Variants in NSMCE2 observed in about 807,000 individuals in gnomAD.
NSMCE2 encodes NSE2 SUMO ligase component of SMC5/6 complex.
NSMCE2 carries 24 observed loss-of-function variants against 23.8 expected under a neutral mutation model. The ratio of observed to expected loss-of-function variants is 1.01; its 90% CI spans 0.73 to 1.42. The LOEUF (loss-of-function observed/expected upper bound fraction) is 1.42. Among genes scored for constraint, NSMCE2 ranks in the 40% most tolerant of loss-of-function variants. The probability of loss-of-function intolerance (pLI) is 0.00; values close to 1 mark genes in which losing one functional copy is unlikely to be tolerated. For missense variants in NSMCE2, 284 were observed against 296.5 expected (o/e 0.96, Z 0.31); for synonymous variants, 92 against 94.1 (o/e 0.98, Z 0.13).
At chr8:125,278,242 G>A (rs899417847) in intron 5 of NSMCE2, among the ~76,000 whole-genome samples, 1 of 152,156 alleles carries the variant, frequency 6.6e-6, no homozygotes, top group Non-Finnish European at 1.5e-5. Flanking sequence ...TCCCAGCTTA[G>A]GTGGAATGAG....
chr8:125,196,729 G>A (rs1285113731), intron 5 of NSMCE2, among the ~76,000 whole-genome samples: 4 of 152,154 alleles, frequency 2.6e-5, no homozygotes, highest in African/African-American at 9.7e-5. Context: ...TAATGGGATC[G>A]CTGGGTCAAA....
intron 5 of NSMCE2, among the ~76,000 whole-genome samples, chr8:125,306,175 A>T (rs1586745054): frequency 6.6e-6 from 1 of 152,004 alleles, no homozygotes; most frequent in African/African-American, 2.4e-5. Flanking sequence ...ATAAAAAATT[A>T]AAAAATTAGC....
At chr8:125,267,173 A>C (rs189341129) in intron 5 of NSMCE2, among the ~76,000 whole-genome samples, 3 of 151,610 alleles carry the variant, frequency 2.0e-5, no homozygotes, top group African/African-American at 7.3e-5. Flanking sequence ...ACGCCCGGTT[A>C]ATTTTTGTAT....
rs116591028 is a variant in NSMCE2, at chr8:125,257,475, G to A, written c.418+75219G>A. On this transcript the variant is annotated intron_variant, in intron 5 of 7. Coordinates refer to ENST00000287437, the MANE Select transcript of NSMCE2 (RefSeq NM_173685.4). ...TCAGTCCAGTAAGATAAGGATTGAG[G>A]AAGGGTCATTGGTAACTTTTGCCAA... Among the ~76,000 whole-genome samples, 1,268 of 150,934 alleles carry A rather than the reference G, an allele frequency of 8.4e-3. 17 individuals carry two copies. Among genetic ancestry groups the A allele is most frequent in the African/African-American group, 0.029 (1,205 of 41,140 alleles).
chr8:125,165,210 A>T (rs1821814058), intron 4 of NSMCE2, among the ~76,000 whole-genome samples: 2 of 152,246 alleles, frequency 1.3e-5, no homozygotes, highest in African/African-American at 4.8e-5. Flanking sequence ...GGCAAGGATT[A>T]AATGAGATAA....
chr8:125,357,126 T>C, intron 5 of NSMCE2, 93 bp from the exon 6 acceptor site: 1 of 777,388 alleles, frequency 1.3e-6, no homozygotes, highest in Non-Finnish European at 2.2e-6. Context: ...CAGCAAATGC[T>C]CCCCCAGAAA....
At chr8:125,174,635 G>T (rs560769244) in intron 4 of NSMCE2, among the ~76,000 whole-genome samples, 1 of 152,280 alleles carries the variant, frequency 6.6e-6, no homozygotes, top group Non-Finnish European at 1.5e-5. Flanking sequence ...ATTCAAACTA[G>T]ACAAATAACA....
At chr8:125,271,882 A>G (rs1827208691) in intron 5 of NSMCE2, among the ~76,000 whole-genome samples, 1 of 152,180 alleles carries the variant, frequency 6.6e-6, no homozygotes. Context: ...AATCTGCATA[A>G]TATCTCTGTG....
chr8:125,264,654 G>A (rs1474888909), intron 5 of NSMCE2, among the ~76,000 whole-genome samples: 1 of 152,006 alleles, frequency 6.6e-6, no homozygotes, highest in Non-Finnish European at 1.5e-5. Flanking sequence ...GGTGATCAGG[G>A]TGGGCTGTTC....
intron 4 of NSMCE2, among the ~76,000 whole-genome samples, chr8:125,168,363 T>A (rs748436884): frequency 6.6e-6 from 1 of 152,208 alleles, no homozygotes; most frequent in Non-Finnish European, 1.5e-5. Flanking sequence ...AAGAAGACTG[T>A]CTAGAGTCTT....
chr8:125,218,713 A>G (rs896320181), intron 5 of NSMCE2, among the ~76,000 whole-genome samples: 2 of 152,146 alleles, frequency 1.3e-5, no homozygotes, highest in African/African-American at 2.4e-5. Flanking sequence ...CGCCCGGCCA[A>G]AAGTTGAGAT....
chr8:125,167,133 G>T (rs906518837), intron 4 of NSMCE2, among the ~76,000 whole-genome samples: 3 of 152,184 alleles, frequency 2.0e-5, no homozygotes, highest in Non-Finnish European at 4.4e-5. Context: ...GCCTTTAGTA[G>T]CTAACTGTTT....
intron 5 of NSMCE2, among the ~76,000 whole-genome samples, chr8:125,265,279 C>T (rs921480810): frequency 4.6e-5 from 7 of 150,660 alleles, no homozygotes; most frequent in South Asian, 2.1e-4. Flanking sequence ...TGGAGTACAA[C>T]GGCAAGATCT....
At chr8:125,120,391 C>A (rs1425972803) in intron 3 of NSMCE2, among the ~76,000 whole-genome samples, 1 of 152,004 alleles carries the variant, frequency 6.6e-6, no homozygotes, top group East Asian at 1.9e-4. Context: ...ACTTTTCTAC[C>A]CTAGGTGTGA....
intron 5 of NSMCE2, among the ~76,000 whole-genome samples, chr8:125,333,518 T>TC (rs2131304406): frequency 9.3e-6 from 1 of 107,520 alleles, no homozygotes; most frequent in East Asian, 2.5e-4. Context: ...TTTTTTTTTT[T>TC]TTTTTTTTTT....
chr8:125,340,785 G>T (rs946832758), intron 5 of NSMCE2, among the ~76,000 whole-genome samples: 5 of 152,090 alleles, frequency 3.3e-5, no homozygotes, highest in African/African-American at 1.2e-4. Context: ...CTCAGTCTGG[G>T]TGAAGAGGAT....
At chr8:125,330,781 A>G (rs6989407) in intron 5 of NSMCE2, among the ~76,000 whole-genome samples, 119,431 of 152,114 alleles carry the variant, frequency 0.79, 47,017 homozygotes, top group Admixed American at 0.84. Context: ...ATGATCACCC[A>G]ACATTGCCTC....
At chr8:125,176,304 G>A (rs1822489746) in intron 4 of NSMCE2, among the ~76,000 whole-genome samples, 1 of 152,132 alleles carries the variant, frequency 6.6e-6, no homozygotes, top group African/African-American at 2.4e-5. Flanking sequence ...TTCTTATTTA[G>A]TTTCACTTCT....
chr8:125,273,732 G>A (rs2131098605), intron 5 of NSMCE2, among the ~76,000 whole-genome samples: 1 of 152,338 alleles, frequency 6.6e-6, no homozygotes, highest in East Asian at 1.9e-4. Flanking sequence ...GAACAGTAAA[G>A]TTGGAGACCA....
Sources: gnomAD v4.1 joint callset for allele counts (sites outside exome capture counted in the v4.1 genomes callset) on GRCh38, gnomAD v4.1.1 for gene constraint, MANE v1.5 for transcripts, NCBI Gene and HGNC (gene_info 2026-07-23, HGNC 2026-07-21) for gene names.